CDCA2: variants seen among roughly 807,000 people sequenced by gnomAD.
CDCA2 encodes cell division cycle associated 2.
CDCA2 carries 44 observed loss-of-function variants against 67.0 expected under a neutral mutation model. The ratio of observed to expected loss-of-function variants is 0.66; its 90% CI spans 0.52 to 0.84. The LOEUF is 0.84. CDCA2 is among the 40% of genes least tolerant of loss of function. The probability of loss-of-function intolerance (pLI) is 0.00; values close to 1 mark genes in which losing one functional copy is unlikely to be tolerated. For synonymous variants in CDCA2, 447 were observed against 418.7 expected (o/e 1.07, Z -0.82); for missense variants, 1,253 against 1,203.2 (o/e 1.04, Z -0.61).
intron 13 of CDCA2, 64 bp downstream of exon 13, chr8:25,488,753 G>A: frequency 5.1e-6 from 7 of 1,361,734 alleles, no homozygotes; most frequent in South Asian, 3.6e-5. Flanking sequence ...TGTATAATTA[G>A]GAAAATATAG....
At chr8:25,464,852 T>TA (rs1418627055) in intron 4 of CDCA2, among the ~76,000 whole-genome samples, 1 of 152,240 alleles carries the variant, frequency 6.6e-6, no homozygotes, top group African/African-American at 2.4e-5. Flanking sequence ...TATTTCAATG[T>TA]AAAATGTTCT....
intron 8 of CDCA2, among the ~76,000 whole-genome samples, chr8:25,481,936 A>G (rs533808778): frequency 1.3e-5 from 2 of 152,176 alleles, no homozygotes; most frequent in African/African-American, 4.8e-5. Flanking sequence ...GGGCAGGACT[A>G]TTTCTTAGAG....
At chr8:25,468,461 G>A in intron 6 of CDCA2, 48 bp downstream of exon 6, 1 of 1,512,638 alleles carries the variant, frequency 6.6e-7, no homozygotes. Context: ...TTGGTTTTCT[G>A]CATAGGCAGT....
chr8:25,476,297 T>G (rs1803345455), intron 7 of CDCA2, among the ~76,000 whole-genome samples: 1 of 152,212 alleles, frequency 6.6e-6, no homozygotes, highest in Non-Finnish European at 1.5e-5. Context: ...GAATTAGATA[T>G]AATTCAGATT....
At position 25,468,078 on chromosome 8, in the gene CDCA2, A is replaced by G. The variant is rs190467108; in HGVS notation, c.539-139A>G. On this transcript the variant is annotated intron_variant, in intron 5 of 14. Coordinates refer to ENST00000330560, the MANE Select transcript of CDCA2 (RefSeq NM_152562.4). The stretch of plus-strand genomic sequence containing the variant: ...GGTTGCAGTGAGCTGAAATCGCACC[A>G]TTGTACTCAAGCCTGGGCGACAAGA... 9.4e-3 allele frequency: 2,642 copies of G among 281,334 alleles called. 19 individuals are homozygous for G. Among genetic ancestry groups the G allele is most frequent in the Non-Finnish European group, 0.013 (2,290 of 179,420 alleles). 17.4% of individuals were successfully genotyped at this position (281,334 alleles called of 1,614,324 possible). A position where few individuals can be genotyped will look rare whatever the true frequency, so the allele number is the denominator to read the frequency against.
In CDCA2 at chr8:25,479,980, A is replaced by G. The variant is rs753927941; in HGVS notation, c.888A>G (p.Thr296=). The stretch of plus-strand genomic sequence containing the variant: ...ATGCCGTTTCGCCTGACACGTTCAC[A>G]GCAGAAGTGAGCTCAGACGCAGTCC... ...SSDAVSPDTF[T]AEVSSDAVPD... is the part of the protein sequence containing the mutation. Residue 296 remains threonine (T), a synonymous_variant, in exon 8 of 15, where the codon ACA becomes ACG. Transcript: ENST00000330560. The G allele has an allele frequency of 8.5e-5, 137 of 1,614,056 alleles. No individual in the cohort carries two copies. The highest frequency in any genetic ancestry group is 1.5e-4 in the Admixed American group (9 of 60,002).
intron 5 of CDCA2, 93 bp downstream of exon 5, chr8:25,466,418 C>T: frequency 3.5e-6 from 4 of 1,150,286 alleles, no homozygotes; most frequent in Non-Finnish European, 4.8e-6. Context: ...CCAATCTTTT[C>T]AGAACACAGG....
chr8:25,471,290 C>G (rs1803143765), intron 7 of CDCA2, among the ~76,000 whole-genome samples: 1 of 152,174 alleles, frequency 6.6e-6, no homozygotes, highest in Non-Finnish European at 1.5e-5. Flanking sequence ...CATGGTCCCC[C>G]TGCACAGGGC....
intron 5 of CDCA2, among the ~76,000 whole-genome samples, chr8:25,467,065 A>AAAAAC (rs1468639428): frequency 5.9e-4 from 74 of 126,224 alleles, no homozygotes; most frequent in Non-Finnish European, 7.6e-4. Context: ...AAAAAAAAAA[A>AAAAAC]ACACACACAC....
intron 13 of CDCA2, among the ~76,000 whole-genome samples, chr8:25,499,768 A>G (rs1804397513): frequency 6.6e-6 from 1 of 152,200 alleles, no homozygotes; most frequent in Admixed American, 6.5e-5. Flanking sequence ...TGCTTTAGGG[A>G]CAATCCCTTC....
chr8:25,458,954 A>G (rs1365070369), upstream of CDCA2: 1 of 152,506 alleles, frequency 6.6e-6, no homozygotes, highest in South Asian at 2.0e-4. Flanking sequence ...GCGGAGTTAA[A>G]GCGCTAAGAG....
rs184919113 is a variant in CDCA2, at chr8:25,507,850, A to C, written c.*112A>C. The C allele has an allele frequency of 1.8e-4, 211 of 1,155,132 alleles. No homozygotes were observed. In the East Asian group the frequency reaches 3.3e-3, roughly 18 times the overall value. 71.6% of individuals were successfully genotyped at this position (1,155,132 alleles called of 1,614,324 possible). A position where few individuals can be genotyped will look rare whatever the true frequency, so the allele number is the denominator to read the frequency against. ...CTCAGTGTTTCAAAAGTTCCTAATA[A>C]ATAAACTCATTTGAGTTGAACCTAC... is the stretch of plus-strand genomic sequence containing the variant. On this transcript the variant is annotated 3_prime_UTR_variant, in exon 15 of 15. Transcript: ENST00000330560.
rs781564470 is a variant in CDCA2 at position 25,484,154 on chromosome 8, T to A, written c.1309T>A (p.Ser437Thr). ...TCTCAGTTCCCTGCTGCTTGAGCAG[T>A]CACCTGTTCCTGAGCCATTACCTCA... ...SGLSSLLLEQ[S>T]PVPEPLPQPD... is the part of the protein sequence containing the mutation. The change falls in exon 10 of 15, where the codon TCA becomes ACA. Residue 437 changes from serine (S) to threonine (T), a missense_variant. Transcript: ENST00000330560. The A allele has an allele frequency of 1.3e-5, 21 of 1,614,078 alleles. No homozygotes were observed. The highest frequency in any genetic ancestry group is 1.8e-5 in the Non-Finnish European group (21 of 1,180,040).
chr8:25,461,974 G>A (rs1162690287), intron 3 of CDCA2, 80 bp from the exon 4 acceptor site: 3 of 1,359,234 alleles, frequency 2.2e-6, no homozygotes, highest in Non-Finnish European at 3.1e-6. Flanking sequence ...TCTCTCTCAG[G>A]CTGGTACATC....
At chr8:25,495,560 AC>A (rs1804186609) in intron 13 of CDCA2, among the ~76,000 whole-genome samples, 1 of 151,992 alleles carries the variant, frequency 6.6e-6, no homozygotes, top group African/African-American at 2.4e-5. Context: ...GAATACAGGC[AC>A]CTGCCACCAC....
chr8:25,475,335 A>G lies in CDCA2; in HGVS notation c.821-4578A>G, dbSNP rs186241258. ...GGAGTTCTAGACCAGCCTGACCAAT[A>G]TGGTGAAATCCCGGCTCTACTAAAA... On this transcript the variant is annotated intron_variant, in intron 7 of 14. Coordinates refer to ENST00000330560, the MANE Select transcript of CDCA2 (RefSeq NM_152562.4). Among the ~76,000 whole-genome samples the G allele has an allele frequency of 8.7e-4, 133 of 152,264 alleles. 2 individuals carry two copies. Among genetic ancestry groups the G allele is most frequent in the Admixed American group, 7.8e-3 (120 of 15,296 alleles).
intron 13 of CDCA2, among the ~76,000 whole-genome samples, chr8:25,498,453 A>ACCCCCCCCACCCCCC (rs1804328832): frequency 1.3e-5 from 1 of 76,612 alleles, no homozygotes; most frequent in Non-Finnish European, 2.6e-5. Flanking sequence ...GGTAATCTGC[A>ACCCCCCCCACCCCCC]CCCCCCCCCC....
intron 6 of CDCA2, among the ~76,000 whole-genome samples, chr8:25,468,916 A>C (rs954424909): frequency 6.6e-6 from 1 of 152,220 alleles, no homozygotes; most frequent in African/African-American, 2.4e-5. Flanking sequence ...GGTGCCATTC[A>C]GCAATTTCTC....
intron 13 of CDCA2, among the ~76,000 whole-genome samples, chr8:25,494,142 C>G (rs1804115704): frequency 1.3e-5 from 2 of 152,052 alleles, no homozygotes; most frequent in South Asian, 4.1e-4. Flanking sequence ...ATACTGTTGT[C>G]CAGCATCTGT....
Sources: allele counts gnomAD v4.1 joint callset (sites outside exome capture counted in the v4.1 genomes callset), GRCh38; gene constraint gnomAD v4.1.1; transcripts MANE v1.5; gene names NCBI Gene and HGNC (gene_info 2026-07-23, HGNC 2026-07-21).